C2CD2: variants seen among roughly 807,000 people sequenced by gnomAD.
C2CD2 encodes the protein C2 calcium dependent domain containing 2, also known as C2 domain-containing protein 2.
In C2CD2, 43 loss-of-function variants were observed where a neutral mutation model predicts 74.3. The ratio of observed to expected loss-of-function variants is 0.58; its 90% CI spans 0.45 to 0.75. The LOEUF is 0.75. Among genes scored for constraint, C2CD2 ranks in the 30% least tolerant of loss-of-function variants. The pLI is 0.00. For synonymous variants in C2CD2, 422 were observed against 390.7 expected, an observed-to-expected ratio of 1.08 and a Z score of -0.94; for missense variants, 801 against 916.3, an observed-to-expected ratio of 0.87 and a Z score of 1.63.
intron 12 of C2CD2, among the ~76,000 whole-genome samples, chr21:41,900,648 T>C (rs1442117377): frequency 6.6e-6 from 1 of 152,202 alleles, no homozygotes; most frequent in African/African-American, 2.4e-5. Context: ...TCCAAGGTCC[T>C]GTTCTGGCCT....
intron 5 of C2CD2, among the ~76,000 whole-genome samples, chr21:41,917,212 A>C (rs935085494): frequency 6.6e-6 from 1 of 152,236 alleles, no homozygotes; most frequent in Non-Finnish European, 1.5e-5. Context: ...ATCAACTGAT[A>C]TCTGTCCAGT....
At chr21:41,914,103 G>C (rs2065059651) in intron 6 of C2CD2, among the ~76,000 whole-genome samples, 1 of 152,122 alleles carries the variant, frequency 6.6e-6, no homozygotes, top group Non-Finnish European at 1.5e-5. Flanking sequence ...GTGCACGCCT[G>C]TAATCCCAGC....
At chr21:41,953,345 C>G (rs1262972227) in intron 1 of C2CD2, 25 bp downstream of exon 1, 2 of 1,381,568 alleles carry the variant, frequency 1.4e-6, no homozygotes, top group Non-Finnish European at 1.9e-6. Context: ...CTGCCGCCCC[C>G]CGGCCCGCAG....
intron 9 of C2CD2, among the ~76,000 whole-genome samples, chr21:41,907,391 C>G (rs570919144): frequency 6.6e-6 from 1 of 152,320 alleles, no homozygotes; most frequent in Non-Finnish European, 1.5e-5. Flanking sequence ...AGCTGGGGAA[C>G]CAAGCAAAAC....
At chr21:41,916,235 C>T (rs950448075) in intron 5 of C2CD2, among the ~76,000 whole-genome samples, 2 of 151,954 alleles carry the variant, frequency 1.3e-5, no homozygotes, top group African/African-American at 2.4e-5. Flanking sequence ...CTGTATGTGT[C>T]GACTTGACTG....
rs1050592221 is a variant in C2CD2 at position 41,930,853 on chromosome 21, T to C, written c.379-8768A>G. On this transcript the variant is annotated intron_variant, in intron 2 of 13. Transcript: ENST00000380486. ...TCACATTCATCTTTTTACTGATGTG[T>C]GGACCTCAGACCCCCAGGGAAGGGG... 3.3e-5 allele frequency among the ~76,000 whole-genome samples: 5 copies of C among 150,252 alleles called. 1 individual carries two copies. The Admixed American group carries it at 3.3e-4, about 10-fold the overall frequency.
At chr21:41,935,339 C>G (rs748562345) in intron 2 of C2CD2, among the ~76,000 whole-genome samples, 1 of 152,214 alleles carries the variant, frequency 6.6e-6, no homozygotes, top group African/African-American at 2.4e-5. Flanking sequence ...ATGAACAGAG[C>G]TAATCACCAG....
At chr21:41,915,589 A>G (rs958672476) in intron 5 of C2CD2, among the ~76,000 whole-genome samples, 11 of 151,996 alleles carry the variant, frequency 7.2e-5, no homozygotes, top group African/African-American at 2.2e-4. Flanking sequence ...GGTGCCCGCC[A>G]CCACACCCGG....
At chr21:41,920,789 G>A (rs1336520038) in intron 3 of C2CD2, among the ~76,000 whole-genome samples, 5 of 152,192 alleles carry the variant, frequency 3.3e-5, no homozygotes. Flanking sequence ...AAAATGGCAT[G>A]AATGCTTTGA....
rs977391644 is a variant in C2CD2 at position 41,907,044 on chromosome 21, A to G, written c.1266T>C (p.Ala422=). The G allele has an allele frequency of 1.2e-5, 19 of 1,613,978 alleles. No individual in the cohort carries two copies. Among genetic ancestry groups the G allele is most frequent in the Non-Finnish European group, 1.5e-5 (18 of 1,179,948 alleles). Residue 422 remains alanine, a synonymous_variant, in exon 10 of 14, where the codon GCT becomes GCC. Transcript: ENST00000380486. ...PCGTVVTTVT[A]VKTKPRVDVG... is the part of the protein sequence containing the mutation. Reference sequence around the variant, plus strand: ...CGTCGACGCGAGGCTTGGTCTTCACAGCAGTGACAGTAGTGACCACAGTCC... The same window carrying G: ...CGTCGACGCGAGGCTTGGTCTTCACGGCAGTGACAGTAGTGACCACAGTCC...
intron 7 of C2CD2, among the ~76,000 whole-genome samples, chr21:41,911,442 T>C (rs1018744122): frequency 1.4e-4 from 20 of 147,584 alleles, no homozygotes; most frequent in Non-Finnish European, 4.5e-5. Context: ...CAGGCTGGAG[T>C]GTGCAGTGGT....
chr21:41,935,587 C>T (rs2065300141), intron 2 of C2CD2, among the ~76,000 whole-genome samples: 1 of 152,132 alleles, frequency 6.6e-6, no homozygotes, highest in African/African-American at 2.4e-5. Context: ...ACACTGAGGG[C>T]CGGGCGCGGT....
chr21:41,931,701 G>A lies in C2CD2; in HGVS notation c.379-9616C>T, dbSNP rs1275744220. 1.7e-4 allele frequency among the ~76,000 whole-genome samples: 26 copies of A among 150,342 alleles called. 3 individuals carry two copies. The highest frequency in any genetic ancestry group is 3.0e-4 in the Non-Finnish European group (20 of 67,030). ...CTCCCAAAGTGCTGGGATTACAAGC[G>A]TGAGCCACCATGCCTGGCCAAGTGT... On this transcript the variant is annotated intron_variant, in intron 2 of 13. Coordinates refer to ENST00000380486, the MANE Select transcript of C2CD2 (RefSeq NM_015500.2).
At chr21:41,942,738 T>C (rs57236163) in intron 1 of C2CD2, among the ~76,000 whole-genome samples, 5,496 of 152,190 alleles carry the variant, frequency 0.036, 172 homozygotes, top group African/African-American at 0.082. Context: ...GTTGCTGTGG[T>C]ACGATTACTT....
chr21:41,953,497 T>C lies in C2CD2; in HGVS notation c.152A>G (p.Glu51Gly). Residue 51 changes from glutamate to glycine, a missense_variant, in exon 1 of 14, where the codon GAG (glutamate) becomes GGG (glycine). Glu to Gly is a moderately conservative substitution (Grantham distance 98). Transcript: ENST00000380486. ...CCCCGGGCGCGGCCCCTCTCCAGGC[T>C]CCACCGCCCGCCGCTGGGGCTGGGG... ...ARPQPQRRAV[E>G]PGEGPRPGSD... 1 of 1,483,198 alleles carries C rather than the reference T, an allele frequency of 6.7e-7. No homozygotes were observed. Among genetic ancestry groups the C allele is most frequent in the Non-Finnish European group, 9.0e-7 (1 of 1,116,482 alleles). 91.9% of individuals were successfully genotyped at this position (1,483,198 alleles called of 1,614,324 possible). A position where few individuals can be genotyped will look rare whatever the true frequency, so the allele number is the denominator to read the frequency against.
intron 1 of C2CD2, among the ~76,000 whole-genome samples, chr21:41,947,740 G>C (rs973004991): frequency 1.3e-5 from 2 of 152,214 alleles, no homozygotes; most frequent in African/African-American, 4.8e-5. Flanking sequence ...ACCTCTAGGA[G>C]AGTGGATTTT....
intron 6 of C2CD2, among the ~76,000 whole-genome samples, chr21:41,912,875 C>G (rs1007522965): frequency 6.6e-6 from 1 of 152,250 alleles, no homozygotes; most frequent in African/African-American, 2.4e-5. Flanking sequence ...GGTTTACCCA[C>G]TTCAGAGAGT....
At chr21:41,922,159 T>TA in intron 2 of C2CD2, 74 bp from the exon 3 acceptor site, 13 of 776,792 alleles carry the variant, frequency 1.7e-5, no homozygotes, top group Non-Finnish European at 2.5e-5. Context: ...ATCTTCTTCT[T>TA]CTTCTTTTTT....
chr21:41,944,980 C>T (rs547915081), intron 1 of C2CD2, among the ~76,000 whole-genome samples: 4 of 152,276 alleles, frequency 2.6e-5, no homozygotes, highest in South Asian at 2.1e-4. Flanking sequence ...GGGAAAAACA[C>T]GGATATAACC....
Sources: gnomAD v4.1 joint callset for allele counts (sites outside exome capture counted in the v4.1 genomes callset) on GRCh38, gnomAD v4.1.1 for gene constraint, MANE v1.5 for transcripts, NCBI Gene and HGNC (gene_info 2026-07-23, HGNC 2026-07-21) for gene names.